The following ABI3BP variants were observed in gnomAD, a reference collection of about 807,000 sequenced individuals.
ABI3BP encodes the protein target of Nesh-SH3.
In ABI3BP, 216 loss-of-function variants were observed where a neutral mutation model predicts 268.6. The observed-to-expected ratio is 0.80, with a 90% confidence interval of 0.72 to 0.90. ABI3BP has a LOEUF of 0.90. ABI3BP is among the 40% of genes least tolerant of loss of function. The pLI is 0.00. For missense variants in ABI3BP, 2,090 were observed against 2,182.4 expected (o/e 0.96, Z 0.84); for synonymous variants, 730 against 730.0 (o/e 1.00, Z 0.00).
At chr3:100,889,911 C>A (rs1354479675) in intron 4 of ABI3BP, among the ~76,000 whole-genome samples, 1 of 152,064 alleles carries the variant, frequency 6.6e-6, no homozygotes, top group Admixed American at 6.6e-5. Flanking sequence ...ATCTCTCCAC[C>A]CTCTTAAGCA....
intron 41 of ABI3BP, among the ~76,000 whole-genome samples, chr3:100,818,068 C>A (rs1003620833): frequency 6.6e-6 from 1 of 152,182 alleles, no homozygotes; most frequent in Non-Finnish European, 1.5e-5. Flanking sequence ...ACTTTCAAGA[C>A]TTACGTACAT....
chr3:100,807,296 A>C (rs2097738374), intron 50 of ABI3BP, among the ~76,000 whole-genome samples: 1 of 151,852 alleles, frequency 6.6e-6, no homozygotes, highest in African/African-American at 2.4e-5. Flanking sequence ...ATTATTCACT[A>C]ATCATTATTT....
At chr3:100,847,290 T>TA (rs931095858) in intron 19 of ABI3BP, among the ~76,000 whole-genome samples, 3 of 151,600 alleles carry the variant, frequency 2.0e-5, no homozygotes, top group South Asian at 2.1e-4. Context: ...TACTAAAAAA[T>TA]AAAAAAAAGA....
intron 6 of ABI3BP, among the ~76,000 whole-genome samples, chr3:100,884,780 C>T (rs574660893): frequency 6.6e-6 from 1 of 152,130 alleles, no homozygotes; most frequent in South Asian, 2.1e-4. Context: ...CCTCTGTCTG[C>T]CCAGTAATAT....
At chr3:100,885,448 T>C (rs2041530600) in intron 6 of ABI3BP, 88 bp downstream of exon 6, 5 of 710,566 alleles carry the variant, frequency 7.0e-6, no homozygotes, top group Non-Finnish European at 1.1e-5. Flanking sequence ...TCAGTTAATC[T>C]AATTTCAGTA....
rs934343550 is a variant in ABI3BP at position 100,823,615 on chromosome 3, G to GAAAC, written c.2747-105_2747-102dup. On this transcript the variant is annotated intron_variant, in intron 36 of 67. Coordinates refer to ENST00000471714, the MANE Select transcript of ABI3BP (RefSeq NM_001375547.2). ...TTACTGGTATGTCAATTCTTCCAGA[G>GAAAC]AAACAAAAAAAAAATTAACTTCTTA... is the stretch of plus-strand genomic sequence containing the variant. The GAAAC allele has an allele frequency of 1.4e-4, 109 of 800,202 alleles. No homozygotes were observed. The Middle Eastern group carries it at 1.5e-3, about 11-fold the overall frequency. 49.6% of individuals were successfully genotyped at this position (800,202 alleles called of 1,614,324 possible).
rs553317103 is a variant in ABI3BP at position 100,749,528 on chromosome 3, T to C, written c.*967A>G. ...ACCTTTTTAATAGAAATAAATGAGTTAGTTAGTTAGATTTTTATTACAGAT... is the reference window on the plus strand; with the variant it reads ...ACCTTTTTAATAGAAATAAATGAGTCAGTTAGTTAGATTTTTATTACAGAT... On this transcript the variant is annotated 3_prime_UTR_variant, in exon 68 of 68. Transcript: ENST00000471714. The C allele has an allele frequency of 5.2e-6, 2 of 382,714 alleles. No individual in the cohort carries two copies. The highest frequency in any genetic ancestry group is 4.6e-5 in the Admixed American group (1 of 21,750). 23.7% of individuals were successfully genotyped at this position (382,714 alleles called of 1,614,324 possible).
At chr3:100,903,888 T>G (rs1427972075) in intron 2 of ABI3BP, among the ~76,000 whole-genome samples, 3 of 152,192 alleles carry the variant, frequency 2.0e-5, no homozygotes, top group Non-Finnish European at 4.4e-5. Flanking sequence ...TGCCTCATCA[T>G]TGTACAGTTG....
intron 51 of ABI3BP, among the ~76,000 whole-genome samples, chr3:100,801,758 T>C (rs1017229570): frequency 2.6e-5 from 4 of 152,000 alleles, no homozygotes; most frequent in Non-Finnish European, 4.4e-5. Flanking sequence ...TAGGAAAAAA[T>C]GGCAAAATGT....
At chr3:100,899,681 A>G (rs1425680793) in intron 3 of ABI3BP, among the ~76,000 whole-genome samples, 1 of 152,254 alleles carries the variant, frequency 6.6e-6, no homozygotes, top group African/African-American at 2.4e-5. Flanking sequence ...AACCTCAACC[A>G]TGAAAACCAA....
intron 2 of ABI3BP, among the ~76,000 whole-genome samples, chr3:100,907,353 G>A (rs544319701): frequency 2.2e-4 from 33 of 152,230 alleles, no homozygotes; most frequent in Admixed American, 5.2e-4. Context: ...AATTATCCAT[G>A]CATTGTGATG....
chr3:100,825,804 C>G lies in ABI3BP; in HGVS notation c.2643G>C (p.Glu881Asp). 1 of 1,535,694 alleles carries G rather than the reference C, an allele frequency of 6.5e-7. No homozygotes were observed. Among genetic ancestry groups the G allele is most frequent in the Non-Finnish European group, 8.7e-7 (1 of 1,146,588 alleles). The change falls in exon 35 of 68, where the codon GAG becomes GAC. Residue 881 changes from glutamate to aspartate, a missense_variant. Physicochemically the swap from Glu to Asp is conservative, Grantham distance 45. Coordinates refer to ENST00000471714, the MANE Select transcript of ABI3BP (RefSeq NM_001375547.2). ...TDLEPVTFRTEIPATTLATKT... is the reference protein window; with the variant it reads ...TDLEPVTFRTDIPATTLATKT... ...CGTTACCTAAGGTTGTTGCAGGGATCTCAGTTCTAAAAGTAACAGGCTCGA... is the reference window on the plus strand; with the variant it reads ...CGTTACCTAAGGTTGTTGCAGGGATGTCAGTTCTAAAAGTAACAGGCTCGA...
intron 1 of ABI3BP, among the ~76,000 whole-genome samples, chr3:100,975,211 T>A (rs1485936187): frequency 6.6e-6 from 1 of 152,152 alleles, no homozygotes; most frequent in African/African-American, 2.4e-5. Context: ...ATCAAAAATG[T>A]TTACACTTGG....
chr3:100,780,104 T>C, intron 58 of ABI3BP, 28 bp downstream of exon 58: 1 of 1,605,942 alleles, frequency 6.2e-7, no homozygotes, highest in Non-Finnish European at 8.5e-7. Context: ...AGCTGAGCTG[T>C]CATAAAAGTC....
intron 14 of ABI3BP, among the ~76,000 whole-genome samples, chr3:100,857,819 C>A (rs1326325111): frequency 6.6e-6 from 1 of 152,194 alleles, no homozygotes; most frequent in Admixed American, 6.5e-5. Flanking sequence ...TTTCTAGGGA[C>A]TTTGGAAGTC....
At chr3:100,827,572 T>TA (rs940244611) in intron 34 of ABI3BP, among the ~76,000 whole-genome samples, 1 of 151,928 alleles carries the variant, frequency 6.6e-6, no homozygotes, top group African/African-American at 2.4e-5. Context: ...ATCATAGACT[T>TA]AAAAAAAATC....
chr3:100,839,730 G>A, intron 23 of ABI3BP, 114 bp from the exon 24 acceptor site: 4 of 1,173,912 alleles, frequency 3.4e-6, no homozygotes, highest in Non-Finnish European at 4.9e-6. Context: ...TTCTGAATGT[G>A]ATTTTCCCTT....
chr3:100,878,331 T>TG (rs1246517148), intron 6 of ABI3BP, among the ~76,000 whole-genome samples: 18 of 152,206 alleles, frequency 1.2e-4, no homozygotes, highest in African/African-American at 3.6e-4. Flanking sequence ...CTTAAAACAG[T>TG]ATTTATTTCT....
chr3:100,991,905 T>A (rs1362976588), intron 1 of ABI3BP, among the ~76,000 whole-genome samples: 1 of 152,136 alleles, frequency 6.6e-6, no homozygotes, highest in Admixed American at 6.5e-5. Flanking sequence ...ACCTATATCA[T>A]CCCTATGCAA....
Sources: gnomAD v4.1 joint callset for allele counts (sites outside exome capture counted in the v4.1 genomes callset) on GRCh38, gnomAD v4.1.1 for gene constraint, MANE v1.5 for transcripts, NCBI Gene and HGNC (gene_info 2026-07-23, HGNC 2026-07-21) for gene names.